MAST2: variants seen among roughly 807,000 people sequenced by gnomAD.
The protein encoded by MAST2 is microtubule associated serine/threonine kinase 2.
Under a neutral mutation model 147.4 loss-of-function variants are expected in MAST2, and 70 were observed. The observed-to-expected ratio is 0.47, with a 90% CI of 0.39 to 0.58. MAST2 has a LOEUF of 0.58. Among genes scored for constraint, MAST2 ranks in the 20% least tolerant of loss-of-function variants. The pLI is 0.00. For missense variants in MAST2, 2,080 were observed against 2,302.3 expected (o/e 0.90, Z 1.98); for synonymous variants, 869 against 896.8 (o/e 0.97, Z 0.55).
At chr1:45,821,509 T>C (rs1401140425) in intron 1 of MAST2, among the ~76,000 whole-genome samples, 1 of 141,084 alleles carries the variant, frequency 7.1e-6, no homozygotes, top group Non-Finnish European at 1.5e-5. Flanking sequence ...TGGTATGTTA[T>C]TTCTTCTTTT....
chr1:45,811,043 G>A (rs1644276095), intron 1 of MAST2, among the ~76,000 whole-genome samples: 1 of 151,456 alleles, frequency 6.6e-6, no homozygotes, highest in Non-Finnish European at 1.5e-5. Context: ...TAGAGACGGA[G>A]TTTTTCCATG....
intron 4 of MAST2, among the ~76,000 whole-genome samples, chr1:45,902,394 G>A (rs1326668019): frequency 6.6e-6 from 1 of 152,054 alleles, no homozygotes; most frequent in Non-Finnish European, 1.5e-5. Flanking sequence ...CTAGTATTTT[G>A]TTGAGGATTT....
intron 4 of MAST2, among the ~76,000 whole-genome samples, chr1:45,902,269 AT>A (rs1357515215): frequency 1.3e-5 from 2 of 152,114 alleles, no homozygotes; most frequent in African/African-American, 4.8e-5. Context: ...TATTCTGTTT[AT>A]GTGGTGAATC....
intron 4 of MAST2, among the ~76,000 whole-genome samples, chr1:45,949,054 C>G (rs1158062162): frequency 4.6e-5 from 7 of 151,854 alleles, no homozygotes; most frequent in Admixed American, 4.6e-4. Flanking sequence ...CTACATAGTA[C>G]CCCTCCTTTA....
At chr1:45,858,893 C>G (rs1202085504) in intron 3 of MAST2, among the ~76,000 whole-genome samples, 1 of 152,064 alleles carries the variant, frequency 6.6e-6, no homozygotes, top group Non-Finnish European at 1.5e-5. Flanking sequence ...TTGTTTTTGT[C>G]ATGTTTGTCA....
At chr1:45,984,090 T>C (rs1644518995) in intron 5 of MAST2, among the ~76,000 whole-genome samples, 1 of 152,182 alleles carries the variant, frequency 6.6e-6, no homozygotes, top group Admixed American at 6.5e-5. Flanking sequence ...AAAAGAAAGG[T>C]TCAATTTTTG....
chr1:46,032,789 G>A, intron 26 of MAST2, 71 bp downstream of exon 26: 1 of 1,548,490 alleles, frequency 6.5e-7, no homozygotes, highest in Non-Finnish European at 8.8e-7. Context: ...TGGCAGTTAG[G>A]GGAGTGGGTG....
At chr1:45,859,164 G>A (rs1027647435) in intron 3 of MAST2, among the ~76,000 whole-genome samples, 3 of 152,090 alleles carry the variant, frequency 2.0e-5, no homozygotes, top group Admixed American at 6.5e-5. Context: ...TTGGTATCTC[G>A]GCTCACTGCA....
At chr1:46,012,107 G>A (rs1036131230) in intron 10 of MAST2, among the ~76,000 whole-genome samples, 3 of 152,138 alleles carry the variant, frequency 2.0e-5, no homozygotes, top group African/African-American at 7.2e-5. Flanking sequence ...AGAGTCCCAT[G>A]AAAATCACTG....
At chr1:45,961,527 C>T (rs1660418441) in intron 5 of MAST2, among the ~76,000 whole-genome samples, 1 of 152,196 alleles carries the variant, frequency 6.6e-6, no homozygotes, top group Admixed American at 6.5e-5. Flanking sequence ...CTGGCCTTTT[C>T]AGCCTGCCTG....
intron 4 of MAST2, among the ~76,000 whole-genome samples, chr1:45,947,444 A>G (rs151099082): frequency 6.6e-6 from 1 of 152,312 alleles, no homozygotes; most frequent in East Asian, 1.9e-4. Context: ...AGTTAGCTTT[A>G]AACCAAGCCC....
At chr1:45,970,779 C>A (rs6666763) in intron 5 of MAST2, among the ~76,000 whole-genome samples, 48,582 of 145,714 alleles carry the variant, frequency 0.33, 8,469 homozygotes, top group African/African-American at 0.42. Context: ...GATGTCACTT[C>A]GCTGACAGAC....
chr1:45,943,682 G>A (rs931862117), intron 4 of MAST2, among the ~76,000 whole-genome samples: 2 of 152,096 alleles, frequency 1.3e-5, no homozygotes, highest in African/African-American at 2.4e-5. Context: ...GGAGGCAGAG[G>A]TTGCCGTGAG....
chr1:46,009,599 A>C (rs1645632096), intron 9 of MAST2, among the ~76,000 whole-genome samples: 1 of 152,222 alleles, frequency 6.6e-6, no homozygotes, highest in South Asian at 2.1e-4. Context: ...TAATGTTGAG[A>C]AATGTATCTC....
intron 27 of MAST2, 40 bp from the exon 28 acceptor site, chr1:46,034,033 C>G: frequency 1.2e-6 from 2 of 1,607,066 alleles, no homozygotes. Context: ...GTGTGCTGTG[C>G]TCACTGCACC....
At chr1:45,809,167 T>C (rs1429558818) in intron 1 of MAST2, among the ~76,000 whole-genome samples, 1 of 152,184 alleles carries the variant, frequency 6.6e-6, no homozygotes, top group African/African-American at 2.4e-5. Flanking sequence ...GCTGTCTTAA[T>C]CATCATGGTA....
chr1:45,894,245 G>GT (rs1263022449), intron 4 of MAST2, among the ~76,000 whole-genome samples: 1 of 151,564 alleles, frequency 6.6e-6, no homozygotes, highest in Non-Finnish European at 1.5e-5. Context: ...TACACTGAAA[G>GT]TTTTATTTTA....
At chr1:45,891,645 T>C (rs1647807007) in intron 4 of MAST2, among the ~76,000 whole-genome samples, 1 of 152,150 alleles carries the variant, frequency 6.6e-6, no homozygotes, top group Admixed American at 6.5e-5. Context: ...TTTTCTTTTT[T>C]AACTTTTTCC....
intron 3 of MAST2, among the ~76,000 whole-genome samples, chr1:45,829,951 T>A (rs1231095078): frequency 6.6e-6 from 1 of 150,666 alleles, no homozygotes; most frequent in East Asian, 2.0e-4. Context: ...GCCTCCTGGG[T>A]TCAAGCAATT....
Sources: gnomAD v4.1 joint callset for allele counts (sites outside exome capture counted in the v4.1 genomes callset) on GRCh38, gnomAD v4.1.1 for gene constraint, MANE v1.5 for transcripts, NCBI Gene and HGNC (gene_info 2026-07-23, HGNC 2026-07-21) for gene names.